PTPRN2: variants seen among roughly 807,000 people sequenced by gnomAD.
PTPRN2 encodes receptor-type tyrosine-protein phosphatase N2.
A neutral mutation model predicts 118.8 loss-of-function variants in PTPRN2; 74 were observed. The ratio of observed to expected loss-of-function variants is 0.62; its 90% CI spans 0.52 to 0.76. PTPRN2 has a LOEUF of 0.76. Ranked by LOEUF, PTPRN2 falls within the 30% of genes least tolerant of loss-of-function variation. The pLI is 0.00. For synonymous variants in PTPRN2, 641 were observed against 608.0 expected, an observed-to-expected ratio of 1.05 and a Z score of -0.80; for missense variants, 1,481 against 1,394.4, an observed-to-expected ratio of 1.06 and a Z score of -0.99.
At chr7:157,947,325 T>G (rs1472402225) in intron 11 of PTPRN2, among the ~76,000 whole-genome samples, 2 of 152,200 alleles carry the variant, frequency 1.3e-5, no homozygotes, top group Non-Finnish European at 2.9e-5. Context: ...GTAGTCTAAT[T>G]TTAAAAATCA....
In PTPRN2 at chr7:157,674,846, G is replaced by A. The variant is rs1242964313; in HGVS notation, c.2001+7879C>T. Among the ~76,000 whole-genome samples, 2 of 152,214 alleles carry A rather than the reference G, an allele frequency of 1.3e-5. No homozygotes were observed. Among genetic ancestry groups the A allele is most frequent in the African/African-American group, 4.8e-5 (2 of 41,466 alleles). ...CCACGCCGAGCTCCTCCTGCCGGGG[G>A]GGTCTGCACAGTTCTGGGTGGGGGA... is the stretch of plus-strand genomic sequence containing the variant. On this transcript the variant is annotated intron_variant, in intron 13 of 22. Coordinates refer to ENST00000389418, the MANE Select transcript of PTPRN2 (RefSeq NM_002847.5). The surrounding 1 kb of genome is among the most constrained non-coding windows in gnomAD (Gnocchi z 4.5).
chr7:158,219,292 T>C (rs1228306092), intron 3 of PTPRN2, among the ~76,000 whole-genome samples: 1 of 152,010 alleles, frequency 6.6e-6, no homozygotes, highest in African/African-American at 2.4e-5. Context: ...TACATCAAAA[T>C]TAAACATTTT....
chr7:157,968,832 G>C (rs1802121650), intron 11 of PTPRN2, among the ~76,000 whole-genome samples: 1 of 152,192 alleles, frequency 6.6e-6, no homozygotes, highest in African/African-American at 2.4e-5. Flanking sequence ...AAATCCCGTT[G>C]ATCCTGGTAG....
chr7:158,271,231 C>T (rs1563069797), intron 3 of PTPRN2, among the ~76,000 whole-genome samples: 2 of 152,054 alleles, frequency 1.3e-5, no homozygotes, highest in Non-Finnish European at 2.9e-5. Flanking sequence ...GTGAATGCAG[C>T]GGTCAGCCGC....
rs1325960979 is a variant in PTPRN2 at position 157,619,757 on chromosome 7, C to A, written c.2344+1605G>T. On this transcript the variant is annotated intron_variant, in intron 15 of 22. Transcript: ENST00000389418. The surrounding 1 kb of genome is among the most constrained non-coding windows in gnomAD (Gnocchi z 5.3). ...GAAGCAAAACAAGATTCCAGCTTCT[C>A]ACTGTTCTGACCTGTAACACTTCCT... Among the ~76,000 whole-genome samples, 1 of 152,182 alleles carries A rather than the reference C, an allele frequency of 6.6e-6. No homozygotes were observed. Among genetic ancestry groups the A allele is most frequent in the Non-Finnish European group, 1.5e-5 (1 of 68,022 alleles).
intron 2 of PTPRN2, 60 bp from the exon 3 acceptor site, chr7:158,316,992 G>T: frequency 2.3e-6 from 3 of 1,309,158 alleles, no homozygotes; most frequent in Non-Finnish European, 3.2e-6. Context: ...GAGCAGGAAG[G>T]TGTCACACAC....
intron 3 of PTPRN2, among the ~76,000 whole-genome samples, chr7:158,256,269 C>CAA (rs1288063638): frequency 6.6e-6 from 1 of 152,148 alleles, no homozygotes; most frequent in African/African-American, 2.4e-5. Context: ...TCTTGGGACT[C>CAA]AGAGTCTGAT....
intron 5 of PTPRN2, among the ~76,000 whole-genome samples, chr7:158,168,512 CTCTT>C (rs914012355): frequency 9.2e-5 from 14 of 152,328 alleles, no homozygotes; most frequent in African/African-American, 3.4e-4. Context: ...AGCTGAATCT[CTCTT>C]TCAGCAACCC....
intron 15 of PTPRN2, among the ~76,000 whole-genome samples, chr7:157,608,358 G>A (rs1466435315): frequency 6.6e-6 from 1 of 152,172 alleles, no homozygotes; most frequent in African/African-American, 2.4e-5. Flanking sequence ...ATGAGCCACT[G>A]TGCCTGGCCA....
rs1347053582 is a variant in PTPRN2 at position 158,003,538 on chromosome 7, G to A, written c.1723+77760C>T. Among the ~76,000 whole-genome samples, 1 of 152,158 alleles carries A rather than the reference G, an allele frequency of 6.6e-6. No individual in the cohort carries two copies. Among genetic ancestry groups the A allele is most frequent in the Non-Finnish European group, 1.5e-5 (1 of 68,022 alleles). On this transcript the variant is annotated intron_variant, in intron 11 of 22. Transcript: ENST00000389418. The surrounding 1 kb of genome is among the most constrained non-coding windows in gnomAD (Gnocchi z 5.0). ...CAGAAGGACAGCCCCTGAGGACGTG[G>A]CCACGACGCAGCCACCGTGAGCCAG...
chr7:158,071,743 TGC>T (rs1386570797), intron 11 of PTPRN2, among the ~76,000 whole-genome samples: 1 of 131,018 alleles, frequency 7.6e-6, no homozygotes, highest in East Asian at 2.4e-4. Context: ...GTGGTGGAGG[TGC>T]TCATGGTGGA....
At chr7:158,500,234 T>A (rs1003170902) in intron 1 of PTPRN2, among the ~76,000 whole-genome samples, 2 of 152,284 alleles carry the variant, frequency 1.3e-5, no homozygotes, top group South Asian at 4.1e-4. Flanking sequence ...CCCTGATATT[T>A]GCTACAGGCA....
chr7:158,019,044 G>C (rs920017990), intron 11 of PTPRN2, among the ~76,000 whole-genome samples: 1 of 149,812 alleles, frequency 6.7e-6, no homozygotes, highest in African/African-American at 2.5e-5. Context: ...ACATTAGGAA[G>C]TAGAAACTCA....
intron 5 of PTPRN2, among the ~76,000 whole-genome samples, chr7:158,174,252 G>A (rs1823978234): frequency 6.6e-6 from 1 of 152,194 alleles, no homozygotes. Context: ...TCCATTTGGG[G>A]TCCCTGACTT....
At chr7:158,132,837 C>T (rs1409132076) in intron 9 of PTPRN2, among the ~76,000 whole-genome samples, 1 of 146,562 alleles carries the variant, frequency 6.8e-6, no homozygotes, top group African/African-American at 2.7e-5. Flanking sequence ...AACATACACA[C>T]TCATACACAC....
intron 2 of PTPRN2, among the ~76,000 whole-genome samples, chr7:158,481,624 C>T (rs1000756024): frequency 3.9e-5 from 6 of 152,244 alleles, no homozygotes; most frequent in Admixed American, 6.5e-5. Flanking sequence ...CCACCATGCC[C>T]GGCTAATTTT....
chr7:157,915,097 T>C (rs1798322787), intron 11 of PTPRN2, among the ~76,000 whole-genome samples: 1 of 152,246 alleles, frequency 6.6e-6, no homozygotes, highest in Admixed American at 6.5e-5. Flanking sequence ...AAATTTATGA[T>C]CTATGTCCAA....
intron 12 of PTPRN2, among the ~76,000 whole-genome samples, chr7:157,812,488 C>G (rs1011587937): frequency 1.3e-5 from 2 of 152,166 alleles, no homozygotes; most frequent in Non-Finnish European, 2.9e-5. Context: ...AAAAGAAAAA[C>G]TCTTTCAACA....
intron 5 of PTPRN2, among the ~76,000 whole-genome samples, chr7:158,177,414 C>T (rs1824310996): frequency 6.6e-6 from 1 of 152,122 alleles, no homozygotes; most frequent in African/African-American, 2.4e-5. Flanking sequence ...CATGGGATTG[C>T]TTGCCTCTTT....
Sources: gnomAD v4.1 joint callset for allele counts (sites outside exome capture counted in the v4.1 genomes callset) on GRCh38, gnomAD v4.1.1 for gene constraint, Gnocchi (gnomAD v3.1) non-coding constraint, MANE v1.5 for transcripts, NCBI Gene and HGNC (gene_info 2026-07-23, HGNC 2026-07-21) for gene names.